NTAN1: variants seen among roughly 807,000 people sequenced by gnomAD.
NTAN1 encodes N-terminal asparagine amidase.
NTAN1 carries 32 observed loss-of-function variants against 41.9 expected under a neutral mutation model. The ratio of observed to expected loss-of-function variants is 0.76; its 90% confidence interval spans 0.58 to 1.03. NTAN1 has a LOEUF of 1.03. NTAN1 is among the 50% of genes least tolerant of loss of function. The probability of loss-of-function intolerance (pLI) is 0.00; values close to 1 mark genes in which losing one functional copy is unlikely to be tolerated. For synonymous variants in NTAN1, 140 were observed against 139.5 expected (o/e 1.00, Z -0.03); for missense variants, 377 against 377.5 (o/e 1.00, Z 0.01).
chr16:15,037,993 CAGGCCAAGAA>C lies in NTAN1; in HGVS notation c.*28_*37del. The C allele has an allele frequency of 6.5e-7, 1 of 1,536,550 alleles. No homozygotes were observed. The highest frequency in any genetic ancestry group is 8.9e-7 in the Non-Finnish European group (1 of 1,118,820). Reference sequence around the variant, plus strand: ...CGTGCCAGCCCCACCAATGGTCTGTCAGGCCAAGAAGGTGCTTTCTTTGGTAATTCATGTT... The same window carrying C: ...CGTGCCAGCCCCACCAATGGTCTGTCGGTGCTTTCTTTGGTAATTCATGTT... On this transcript the variant is annotated 3_prime_UTR_variant, in exon 10 of 10. Transcript: ENST00000287706.
At chr16:15,038,880 G>A (rs893829522) in intron 8 of NTAN1, among the ~76,000 whole-genome samples, 193 bp from the exon 9 acceptor site, 45 of 152,174 alleles carry the variant, frequency 3.0e-4, no homozygotes, top group African/African-American at 8.9e-4. Flanking sequence ...TGTGGGGCAC[G>A]CACGACTGCT....
intron 1 of NTAN1, 70 bp downstream of exon 1, chr16:15,055,821 G>T (rs937823789): frequency 5.0e-5 from 42 of 837,692 alleles, no homozygotes; most frequent in Non-Finnish European, 6.2e-5. Flanking sequence ...TGTCGCGTGA[G>T]GGGGGCGCTA....
intron 5 of NTAN1, among the ~76,000 whole-genome samples, chr16:15,042,762 T>G (rs4985152): frequency 6.7e-6 from 1 of 149,590 alleles, no homozygotes; most frequent in Non-Finnish European, 1.5e-5. Flanking sequence ...AGACGAAGTC[T>G]CGCTCTGTCA....
At chr16:15,039,821 A>AG (rs1376164243) in intron 8 of NTAN1, 148 bp downstream of exon 8, 25 of 596,810 alleles carry the variant, frequency 4.2e-5, no homozygotes, top group Non-Finnish European at 6.8e-5. Flanking sequence ...AAGTGTGGGG[A>AG]GGGGTATATG....
At chr16:15,039,676 G>C (rs1277331883) in intron 8 of NTAN1, among the ~76,000 whole-genome samples, 1 of 152,162 alleles carries the variant, frequency 6.6e-6, no homozygotes, top group Non-Finnish European at 1.5e-5. Context: ...GAACTTTATA[G>C]AAAAGCTCTT....
At chr16:15,039,812 A>C (rs2043727072) in intron 8 of NTAN1, among the ~76,000 whole-genome samples, 157 bp downstream of exon 8, 1 of 152,226 alleles carries the variant, frequency 6.6e-6, no homozygotes, top group South Asian at 2.1e-4. Flanking sequence ...TGAGACAGCA[A>C]GTGTGGGGAG....
rs1267932885 is a variant in NTAN1 at position 15,037,914 on chromosome 16, C to T, written c.*117G>A. ...TTTGATGAAAGTCATTTGAAAGACA[C>T]TGAGGAGGGAAGGAGGCCTAAGACC... On this transcript the variant is annotated 3_prime_UTR_variant, in exon 10 of 10. Coordinates refer to ENST00000287706, the MANE Select transcript of NTAN1 (RefSeq NM_173474.4). 5 of 637,706 alleles carry T rather than the reference C, an allele frequency of 7.8e-6. No homozygotes were observed. Among genetic ancestry groups the T allele is most frequent in the African/African-American group, 5.5e-5 (3 of 54,770 alleles). 39.5% of individuals were successfully genotyped at this position (637,706 alleles called of 1,614,324 possible).
chr16:15,038,593 T>C lies in NTAN1; in HGVS notation c.734A>G (p.Asp245Gly). The change falls in exon 9 of 10, where the codon GAT becomes GGT. Residue 245 changes from aspartate (D) to glycine (G), a missense_variant. Coordinates refer to ENST00000287706, the MANE Select transcript of NTAN1 (RefSeq NM_173474.4). Reference sequence around the variant, plus strand: ...TCTCACCTCTAGTATTTGCTTGTCATCTTGGTGCAACCAGAAATCCACATG... The same window carrying C: ...TCTCACCTCTAGTATTTGCTTGTCACCTTGGTGCAACCAGAAATCCACATG... Reference protein sequence around the residue: ...FPHVDFWLHQDDKQILENLST... With the variant: ...FPHVDFWLHQGDKQILENLST... 1 of 1,595,724 alleles carries C rather than the reference T, an allele frequency of 6.3e-7. No individual in the cohort carries two copies.
In NTAN1 at chr16:15,038,667, T is replaced by G; in HGVS notation, c.660A>C (p.Ala220=). ...GTCCTATACGAAGTTGTTCTGTCTC[T>G]GCATCATAAATGCTAATCATCTAAA... is the stretch of plus-strand genomic sequence containing the variant. The part of the protein sequence containing the change: ...AGGPMISIYD[A]ETEQLRIGPY... The change falls in exon 9 of 10, where the codon GCA becomes GCC. Residue 220 remains alanine (A), a synonymous_variant. Coordinates refer to ENST00000287706, the MANE Select transcript of NTAN1 (RefSeq NM_173474.4). 9 of 1,589,010 alleles carry G rather than the reference T, an allele frequency of 5.7e-6. No individual in the cohort carries two copies. The highest frequency in any genetic ancestry group is 7.8e-6 in the Non-Finnish European group (9 of 1,160,176).
At chr16:15,042,514 T>C (rs1318093468) in intron 5 of NTAN1, among the ~76,000 whole-genome samples, 2 of 152,134 alleles carry the variant, frequency 1.3e-5, no homozygotes, top group Non-Finnish European at 2.9e-5. Context: ...CTGATTTGCT[T>C]GTGCATAGGT....
chr16:15,054,602 C>G (rs1402704775), intron 1 of NTAN1, among the ~76,000 whole-genome samples: 3 of 152,204 alleles, frequency 2.0e-5, no homozygotes, highest in Non-Finnish European at 4.4e-5. Context: ...GATGGTCGGT[C>G]CTGAAATGCA....
chr16:15,046,508 T>A (rs1367746446), intron 4 of NTAN1, among the ~76,000 whole-genome samples: 1 of 152,084 alleles, frequency 6.6e-6, no homozygotes, highest in East Asian at 1.9e-4. Context: ...AGGCAGCGGC[T>A]ACTTTACTGC....
chr16:15,044,604 A>G, intron 4 of NTAN1, 197 bp from the exon 5 acceptor site: 1 of 594,736 alleles, frequency 1.7e-6, no homozygotes. Context: ...GACCCTGCCC[A>G]GGGGCCCTGA....
At chr16:15,040,656 C>G (rs1273570849) in intron 7 of NTAN1, among the ~76,000 whole-genome samples, 2 of 152,130 alleles carry the variant, frequency 1.3e-5, no homozygotes, top group East Asian at 1.9e-4. Flanking sequence ...TTTCTGTTCT[C>G]AAGCAAAACC....
chr16:15,044,730 T>A (rs368791456), intron 4 of NTAN1: 3 of 325,162 alleles, frequency 9.2e-6, no homozygotes, highest in African/African-American at 6.3e-5. Flanking sequence ...ACATCTGTAA[T>A]CCTAGCACTT....
At chr16:15,041,753 A>T in intron 5 of NTAN1, 77 bp from the exon 6 acceptor site, 1 of 1,035,396 alleles carries the variant, frequency 9.7e-7, no homozygotes, top group Non-Finnish European at 1.5e-6. Context: ...CAAGCCAACG[A>T]CAGGGAGGGA....
At chr16:15,041,839 T>G (rs1369498539) in intron 5 of NTAN1, among the ~76,000 whole-genome samples, 163 bp from the exon 6 acceptor site, 1 of 152,132 alleles carries the variant, frequency 6.6e-6, no homozygotes, top group Non-Finnish European at 1.5e-5. Context: ...GGCCAGACAC[T>G]AGGGAGCTGA....
intron 1 of NTAN1, among the ~76,000 whole-genome samples, chr16:15,054,040 A>G (rs932963282): frequency 1.3e-5 from 2 of 152,150 alleles, no homozygotes; most frequent in Non-Finnish European, 2.9e-5. Flanking sequence ...CACCCCTGTA[A>G]GGTTACTTTC....
intron 9 of NTAN1, 47 bp downstream of exon 9, chr16:15,038,527 A>G (rs2043651582): frequency 1.9e-6 from 2 of 1,064,082 alleles, no homozygotes; most frequent in Non-Finnish European, 2.9e-6. Flanking sequence ...CAGATGGGGA[A>G]ACCAGGGTGC....
Sources: gnomAD v4.1 joint callset for allele counts (sites outside exome capture counted in the v4.1 genomes callset) on GRCh38, gnomAD v4.1.1 for gene constraint, MANE v1.5 for transcripts, NCBI Gene and HGNC (gene_info 2026-07-23, HGNC 2026-07-21) for gene names.